FAM193A: variants seen among roughly 807,000 people sequenced by gnomAD.
FAM193A encodes the protein protein FAM193A.
A neutral mutation model predicts 126.5 loss-of-function variants in FAM193A; 22 were observed. The observed-to-expected ratio is 0.17, with a 90% confidence interval of 0.12 to 0.25. FAM193A has a LOEUF of 0.25. Ranked by LOEUF, FAM193A falls within the 10% of genes least tolerant of loss-of-function variation. The pLI, the probability that FAM193A is intolerant of heterozygous loss-of-function variation, is 1.00. For missense variants in FAM193A, 1,675 were observed against 1,672.8 expected (o/e 1.00, Z -0.02); for synonymous variants, 761 against 646.8 (o/e 1.18, Z -2.68).
At chr4:2,632,279 A>G (rs573287649) in intron 5 of FAM193A, among the ~76,000 whole-genome samples, 2 of 152,226 alleles carry the variant, frequency 1.3e-5, no homozygotes, top group South Asian at 2.1e-4. Context: ...AAAAATTTAC[A>G]TACAGCCCGG....
intron 1 of FAM193A, among the ~76,000 whole-genome samples, chr4:2,577,411 G>GTTTTTTT (rs67407606): frequency 4.9e-5 from 5 of 101,854 alleles, no homozygotes; most frequent in South Asian, 3.1e-4. Flanking sequence ...AATTAAAGTG[G>GTTTTTTT]TTTTTTTTTT....
chr4:2,619,236 A>G (rs1742391459), intron 2 of FAM193A, among the ~76,000 whole-genome samples: 1 of 151,604 alleles, frequency 6.6e-6, no homozygotes, highest in African/African-American at 2.4e-5. Context: ...GAGTTTCTTT[A>G]TAATTGCCAA....
chr4:2,604,083 T>G (rs1232990236), intron 2 of FAM193A, among the ~76,000 whole-genome samples: 1 of 151,990 alleles, frequency 6.6e-6, no homozygotes, highest in Non-Finnish European at 1.5e-5. Context: ...CCTCAGGTGA[T>G]CCGCCCGCCT....
In FAM193A at chr4:2,672,207, C is replaced by T; in HGVS notation, c.2166C>T (p.Ala722=). Residue 722 remains alanine (A), a synonymous_variant, in exon 13 of 21, where the codon GCC becomes GCT. Transcript: ENST00000637812. ...GLTPSAMTAG[A]LPPGHQFLSP... is the part of the protein sequence containing the mutation. Reference sequence around the variant, plus strand: ...CACCATCTGCAATGACAGCCGGAGCCCTTCCTCCTGGCCATCAGTTCTTGA... The same window carrying T: ...CACCATCTGCAATGACAGCCGGAGCTCTTCCTCCTGGCCATCAGTTCTTGA... 3.1e-6 allele frequency: 5 copies of T among 1,614,218 alleles called. No individual in the cohort carries two copies. Among genetic ancestry groups the T allele is most frequent in the South Asian group, 2.2e-5 (2 of 91,082 alleles).
intron 1 of FAM193A, among the ~76,000 whole-genome samples, chr4:2,581,191 CT>C (rs1270013988): frequency 2.8e-5 from 4 of 142,332 alleles, no homozygotes; most frequent in African/African-American, 5.0e-5. Flanking sequence ...ATTGCCATTT[CT>C]TTTGTAGATC....
intron 20 of FAM193A, chr4:2,720,008 TG>T: frequency 8.5e-6 from 2 of 234,288 alleles, no homozygotes; most frequent in Admixed American, 4.8e-5. Context: ...TTGCCCAGGC[TG>T]GTCTCGAACT....
chr4:2,569,756 C>T (rs1017560017), intron 1 of FAM193A, among the ~76,000 whole-genome samples: 6 of 151,858 alleles, frequency 4.0e-5, no homozygotes, highest in African/African-American at 7.3e-5. Flanking sequence ...CCTCCTGCCT[C>T]GGCCTCCCAA....
intron 1 of FAM193A, among the ~76,000 whole-genome samples, chr4:2,555,688 G>T (rs575414957): frequency 6.6e-6 from 1 of 152,298 alleles, no homozygotes; most frequent in Non-Finnish European, 1.5e-5. Context: ...CGCAATCTCG[G>T]CTCGCCGCAA....
intron 19 of FAM193A, among the ~76,000 whole-genome samples, chr4:2,701,582 G>A (rs1717736556): frequency 6.6e-6 from 1 of 152,032 alleles, no homozygotes; most frequent in Non-Finnish European, 1.5e-5. Context: ...CCCATCACTG[G>A]GGATGGGAAC....
At chr4:2,559,901 G>A (rs911414103) in intron 1 of FAM193A, among the ~76,000 whole-genome samples, 1 of 152,102 alleles carries the variant, frequency 6.6e-6, no homozygotes, top group Non-Finnish European at 1.5e-5. Flanking sequence ...TGCGTGGCCT[G>A]ATCGGGCCGG....
At chr4:2,602,465 C>T (rs771827821) in intron 2 of FAM193A, among the ~76,000 whole-genome samples, 10 of 151,190 alleles carry the variant, frequency 6.6e-5, no homozygotes, top group South Asian at 2.1e-4. Context: ...AACGATAATC[C>T]TGCCTTAGCC....
chr4:2,731,431 C>T (rs1721379251), intron 20 of FAM193A, among the ~76,000 whole-genome samples: 2 of 151,968 alleles, frequency 1.3e-5, no homozygotes, highest in African/African-American at 4.8e-5. Context: ...AGTGATTTGC[C>T]CTCCTCAGCC....
At chr4:2,604,134 C>A (rs775418869) in intron 2 of FAM193A, among the ~76,000 whole-genome samples, 12 of 152,276 alleles carry the variant, frequency 7.9e-5, no homozygotes, top group Middle Eastern at 6.8e-3. Flanking sequence ...TGAGCCACCA[C>A]GGCCAGCCAC....
chr4:2,560,658 A>G (rs1048215068), intron 1 of FAM193A, among the ~76,000 whole-genome samples: 2 of 152,084 alleles, frequency 1.3e-5, no homozygotes, highest in African/African-American at 4.8e-5. Context: ...ATTCATGGAA[A>G]CTCAGTGCAG....
chr4:2,725,450 CAAAAAAAAAAAAA>C (rs71644355), intron 20 of FAM193A, among the ~76,000 whole-genome samples: 23 of 31,780 alleles, frequency 7.2e-4, no homozygotes, highest in Admixed American at 7.2e-3. Flanking sequence ...ACCCTGTCTC[CAAAAAAAAAAAAA>C]AAAAAAAAAA....
At chr4:2,612,537 T>G (rs548129538) in intron 2 of FAM193A, among the ~76,000 whole-genome samples, 1 of 152,184 alleles carries the variant, frequency 6.6e-6, no homozygotes, top group Non-Finnish European at 1.5e-5. Flanking sequence ...TTTGCTTGTT[T>G]GTTTTTTTCT....
chr4:2,663,075 G>C (rs772440780), intron 11 of FAM193A, 34 bp from the exon 12 acceptor site: 1 of 1,603,414 alleles, frequency 6.2e-7, no homozygotes. Flanking sequence ...ACTCTGTTTT[G>C]AAAAGTGCAA....
chr4:2,714,675 T>C (rs2109366186), intron 19 of FAM193A, among the ~76,000 whole-genome samples: 1 of 152,302 alleles, frequency 6.6e-6, no homozygotes, highest in East Asian at 1.9e-4. Flanking sequence ...TGCCTGGTGC[T>C]GTGTGAGTTG....
At chr4:2,653,688 C>T (rs1438207136) in intron 7 of FAM193A, among the ~76,000 whole-genome samples, 2 of 152,174 alleles carry the variant, frequency 1.3e-5, no homozygotes, top group Non-Finnish European at 2.9e-5. Context: ...ATCATCCACC[C>T]ACCTCAGCCT....
Sources: gnomAD v4.1 joint callset for allele counts (sites outside exome capture counted in the v4.1 genomes callset) on GRCh38, gnomAD v4.1.1 for gene constraint, MANE v1.5 for transcripts, NCBI Gene and HGNC (gene_info 2026-07-23, HGNC 2026-07-21) for gene names.